The following ZWILCH variants were observed in gnomAD, a reference collection of about 807,000 sequenced individuals.
The protein encoded by ZWILCH is zwilch kinetochore protein.
Under a neutral mutation model 79.9 loss-of-function variants are expected in ZWILCH, and 74 were observed. The observed-to-expected ratio is 0.93, with a 90% CI of 0.77 to 1.12. The LOEUF is 1.12. ZWILCH is among the 50% of genes most tolerant of loss of function. The pLI is 0.00. For synonymous variants in ZWILCH, 241 were observed against 228.2 expected, an observed-to-expected ratio of 1.06 and a Z score of -0.51; for missense variants, 694 against 687.5, an observed-to-expected ratio of 1.01 and a Z score of -0.11.
chr15:66,540,292 C>A, intron 17 of ZWILCH, 82 bp downstream of exon 17: 1 of 1,169,622 alleles, frequency 8.5e-7, no homozygotes, highest in Admixed American at 2.3e-5. Flanking sequence ...CGGCTCACGC[C>A]TGTAATCCCA....
Position 66,523,939 on chromosome 15 carries a change from G to A in ZWILCH, c.819+191G>A, listed in dbSNP as rs1894590376. ...GTCCTTACAATTAACGGGAGCATTA[G>A]GTCGTTAATAGCTAGATTTCTCTCA... is the stretch of plus-strand genomic sequence containing the variant. On this transcript the variant is annotated intron_variant, in intron 8 of 18. Transcript: ENST00000307897. Among the ~76,000 whole-genome samples the A allele has an allele frequency of 2.0e-5, 3 of 152,144 alleles. No individual in the cohort carries two copies. The South Asian group carries it at 6.2e-4, about 32-fold the overall frequency.
chr15:66,522,914 C>T (rs111421106), intron 7 of ZWILCH, among the ~76,000 whole-genome samples: 1,551 of 152,162 alleles, frequency 0.01, 22 homozygotes, highest in Middle Eastern at 0.017. Flanking sequence ...CCTCTGCCTC[C>T]CAGGTTCAAG....
rs201080159 is a variant in ZWILCH at position 66,540,162 on chromosome 15, C to A, written c.1639C>A (p.Gln547Lys). Residue 547 changes from glutamine to lysine, a missense_variant, in exon 17 of 19, where the codon CAA (glutamine) becomes AAA (lysine). Transcript: ENST00000307897. Reference sequence around the variant, plus strand: ...TCAAAAGAAGATTAAGACAGTTTGGCAACTGAGTGACAGCTCACCCATAGA... The same window carrying A: ...TCAAAAGAAGATTAAGACAGTTTGGAAACTGAGTGACAGCTCACCCATAGA... ...SGQKKIKTVW[Q>K]LSDSSPIDHL... The A allele has an allele frequency of 6.2e-7, 1 of 1,613,682 alleles. No homozygotes were observed. Among genetic ancestry groups the A allele is most frequent in the Non-Finnish European group, 8.5e-7 (1 of 1,179,766 alleles).
chr15:66,517,726 CTTTTTTT>C (rs1161719182), intron 4 of ZWILCH, among the ~76,000 whole-genome samples: 21 of 58,272 alleles, frequency 3.6e-4, no homozygotes, highest in African/African-American at 1.5e-3. Context: ...CTTTTCTTTC[CTTTTTTT>C]TTTTTTTTTT....
intron 7 of ZWILCH, among the ~76,000 whole-genome samples, chr15:66,522,356 C>T (rs909876383): frequency 8.2e-5 from 10 of 122,286 alleles, no homozygotes; most frequent in African/African-American, 1.0e-4. Flanking sequence ...TTTTCTGGGG[C>T]GGAGCCTCGC....
intron 17 of ZWILCH, among the ~76,000 whole-genome samples, chr15:66,544,709 T>G (rs1278810541): frequency 8.8e-6 from 1 of 113,018 alleles, no homozygotes; most frequent in East Asian, 2.8e-4. Flanking sequence ...TGTTTTTTTG[T>G]TGTTTTTTTG....
chr15:66,534,546 A>G (rs1894951976), intron 14 of ZWILCH, among the ~76,000 whole-genome samples: 1 of 152,204 alleles, frequency 6.6e-6, no homozygotes, highest in African/African-American at 2.4e-5. Flanking sequence ...ACAAACTTAG[A>G]TGGTATAACC....
At chr15:66,539,971 T>C (rs567395761) in intron 16 of ZWILCH, 127 bp from the exon 17 acceptor site, 3 of 565,562 alleles carry the variant, frequency 5.3e-6, no homozygotes, top group Admixed American at 3.4e-5. Flanking sequence ...AGGGCGGGAA[T>C]TGTGACCCGT....
At chr15:66,545,741 C>T (rs957283287) in intron 17 of ZWILCH, among the ~76,000 whole-genome samples, 4 of 152,142 alleles carry the variant, frequency 2.6e-5, no homozygotes, top group African/African-American at 7.2e-5. Context: ...GACCCATTTT[C>T]GAAGGGGGTA....
intron 2 of ZWILCH, among the ~76,000 whole-genome samples, chr15:66,512,810 T>C (rs1183788459): frequency 6.6e-6 from 1 of 151,778 alleles, no homozygotes; most frequent in African/African-American, 2.4e-5. Context: ...ATTTTTTACT[T>C]TTTAAGATGG....
Position 66,548,649 on chromosome 15 carries a change from C to A in ZWILCH, c.*325C>A. ...CGAGCACCACAAATGAGAACAGGAT[C>A]ATTTTAGTAAATACAGCTTTATCCC... is the stretch of plus-strand genomic sequence containing the variant. On this transcript the variant is annotated 3_prime_UTR_variant, in exon 19 of 19. Transcript: ENST00000307897. 1 of 1,001,448 alleles carries A rather than the reference C, an allele frequency of 1.0e-6. No homozygotes were observed. Among genetic ancestry groups the A allele is most frequent in the South Asian group, 1.3e-5 (1 of 76,676 alleles). 62.0% of individuals were successfully genotyped at this position (1,001,448 alleles called of 1,614,324 possible). A position where few individuals can be genotyped will look rare whatever the true frequency, so the allele number is the denominator to read the frequency against.
At chr15:66,523,554 C>T in intron 7 of ZWILCH, 123 bp from the exon 8 acceptor site, 1 of 632,526 alleles carries the variant, frequency 1.6e-6, no homozygotes, top group Non-Finnish European at 2.8e-6. Context: ...TTTTTCAATT[C>T]ATTGGTCCTT....
rs542360758 is a variant in ZWILCH, at chr15:66,536,019, T to A, written c.1428T>A (p.Ser476Arg). The A allele has an allele frequency of 1.2e-6, 2 of 1,612,784 alleles. No homozygotes were observed. Among genetic ancestry groups the A allele is most frequent in the African/African-American group, 1.3e-5 (1 of 74,996 alleles). Reference protein sequence around the residue: ...KLHHILEILVSCMPFIKSQHE... With the variant: ...KLHHILEILVRCMPFIKSQHE... Reference sequence around the variant, plus strand: ...ACCATATTCTAGAAATATTAGTCAGTTGCATGCCTTTCATTAAATCTCAAC... The same window carrying A: ...ACCATATTCTAGAAATATTAGTCAGATGCATGCCTTTCATTAAATCTCAAC... The change falls in exon 15 of 19, where the codon AGT (serine) becomes AGA (arginine). Residue 476 changes from serine (S) to arginine (R), a missense_variant. Transcript: ENST00000307897.
intron 16 of ZWILCH, 133 bp from the exon 17 acceptor site, chr15:66,539,965 C>T (rs1035738995): frequency 2.9e-5 from 16 of 544,708 alleles, no homozygotes; most frequent in East Asian, 1.3e-4. Flanking sequence ...ACCTCAAGGG[C>T]GGGAATTGTG....
chr15:66,544,724 T>TTTTTTGTGTGTGTGTGTG (rs145952622), intron 17 of ZWILCH, among the ~76,000 whole-genome samples: 10 of 128,540 alleles, frequency 7.8e-5, no homozygotes, highest in Non-Finnish European at 1.1e-4. Flanking sequence ...TTTTTGGTTT[T>TTTTTTGTGTGTGTGTGTG]TGTGTGTGTG....
chr15:66,544,723 TTTGTG>T (rs1459683344), intron 17 of ZWILCH, among the ~76,000 whole-genome samples: 36 of 114,764 alleles, frequency 3.1e-4, no homozygotes, highest in East Asian at 8.1e-4. Flanking sequence ...TTTTTTGGTT[TTTGTG>T]TGTGTGTGTG....
At chr15:66,508,345 T>A (rs1179106383) in intron 1 of ZWILCH, among the ~76,000 whole-genome samples, 1 of 152,226 alleles carries the variant, frequency 6.6e-6, no homozygotes, top group South Asian at 2.1e-4. Context: ...TTACTGACTT[T>A]GAGTAACAAG....
At position 66,548,541 on chromosome 15, in the gene ZWILCH, A is replaced by G; in HGVS notation, c.*217A>G. On this transcript the variant is annotated 3_prime_UTR_variant, in exon 19 of 19. Coordinates refer to ENST00000307897, the MANE Select transcript of ZWILCH (RefSeq NM_017975.5). Reference sequence around the variant, plus strand: ...TTAGTAGAACAGCAGTGATGAGGACACAGAGGGAGCAGACAGTGGGTACCA... The same window carrying G: ...TTAGTAGAACAGCAGTGATGAGGACGCAGAGGGAGCAGACAGTGGGTACCA... 1 of 1,613,852 alleles carries G rather than the reference A, an allele frequency of 6.2e-7. No individual in the cohort carries two copies. Among genetic ancestry groups the G allele is most frequent in the African/African-American group, 1.3e-5 (1 of 75,062 alleles).
intron 2 of ZWILCH, among the ~76,000 whole-genome samples, chr15:66,513,367 A>G (rs907607275): frequency 6.6e-6 from 1 of 151,820 alleles, no homozygotes. Flanking sequence ...GAATTTTGAG[A>G]CCAGCCTGGG....
Sources: allele counts gnomAD v4.1 joint callset (sites outside exome capture counted in the v4.1 genomes callset), GRCh38; gene constraint gnomAD v4.1.1; transcripts MANE v1.5; gene names NCBI Gene and HGNC (gene_info 2026-07-23, HGNC 2026-07-21).